Variants in ADAMTS2 observed in about 807,000 individuals in gnomAD.
ADAMTS2 encodes the protein A disintegrin and metalloproteinase with thrombospondin motifs 2.
In ADAMTS2, 50 loss-of-function variants were observed where a neutral mutation model predicts 123.0. The ratio of observed to expected loss-of-function variants is 0.41; its 90% CI spans 0.32 to 0.51. ADAMTS2 has a LOEUF of 0.51. Ranked by LOEUF, ADAMTS2 falls within the 20% of genes least tolerant of loss-of-function variation. The pLI is 0.35. For missense variants in ADAMTS2, 1,494 were observed against 1,705.2 expected, an observed-to-expected ratio of 0.88 and a Z score of 2.18; for synonymous variants, 678 against 695.4, an observed-to-expected ratio of 0.98 and a Z score of 0.39.
At chr5:179,298,645 C>T (rs149614590) in intron 2 of ADAMTS2, among the ~76,000 whole-genome samples, 12 of 152,182 alleles carry the variant, frequency 7.9e-5, no homozygotes, top group East Asian at 3.9e-4. Flanking sequence ...GGGGTGTGGA[C>T]GGGCTCTACG....
intron 4 of ADAMTS2, among the ~76,000 whole-genome samples, chr5:179,191,245 G>A (rs1385830608): frequency 2.6e-5 from 4 of 152,212 alleles, no homozygotes; most frequent in Admixed American, 1.3e-4. Flanking sequence ...GCTGCAGGAC[G>A]GCCCTGCCTC....
rs1018279056 is a variant in ADAMTS2 at position 179,197,297 on chromosome 5, T to C, written c.891+10216A>G. 6.6e-6 allele frequency among the ~76,000 whole-genome samples: 1 copy of C among 152,188 alleles called. No homozygotes were observed. The highest frequency in any genetic ancestry group is 1.9e-4 in the East Asian group (1 of 5,188). ...TAGATCCTGATATTTAAGCAACACA[T>C]TGAGGCCTTAGGCTTCTCGGGAAGA... On this transcript the variant is annotated intron_variant, in intron 4 of 21. Coordinates refer to ENST00000251582, the MANE Select transcript of ADAMTS2 (RefSeq NM_014244.5). The surrounding 1 kb of genome is among the most constrained non-coding windows in gnomAD (Gnocchi z 4.2).
At chr5:179,247,327 A>G (rs973143170) in intron 3 of ADAMTS2, among the ~76,000 whole-genome samples, 17 of 152,202 alleles carry the variant, frequency 1.1e-4, no homozygotes, top group Non-Finnish European at 1.9e-4. Flanking sequence ...ATTATCAGCA[A>G]TCATCCAATC....
In ADAMTS2 at chr5:179,260,597, T is replaced by C. The variant is rs1330913608; in HGVS notation, c.688+12314A>G. 6.6e-6 allele frequency among the ~76,000 whole-genome samples: 1 copy of C among 152,006 alleles called. No homozygotes were observed. The highest frequency in any genetic ancestry group is 1.9e-4 in the East Asian group (1 of 5,174). The stretch of plus-strand genomic sequence containing the variant: ...TGCACTGGGTGTCAGCAGCCCTGGG[T>C]TCTAAGCCTGCTCCTCCCTCCTGAT... On this transcript the variant is annotated intron_variant, in intron 3 of 21. Transcript: ENST00000251582. The surrounding 1 kb of genome is among the most constrained non-coding windows in gnomAD (Gnocchi z 4.2).
At chr5:179,206,163 G>A (rs565368726) in intron 4 of ADAMTS2, among the ~76,000 whole-genome samples, 4 of 152,336 alleles carry the variant, frequency 2.6e-5, no homozygotes, top group African/African-American at 7.2e-5. Context: ...AGCGGACTTC[G>A]GCCCCCTGTA....
intron 5 of ADAMTS2, among the ~76,000 whole-genome samples, chr5:179,171,975 CG>C (rs755775969): frequency 2.0e-4 from 30 of 152,134 alleles, no homozygotes; most frequent in Non-Finnish European, 4.3e-4. Context: ...TCCTCAGCTG[CG>C]GGTCCACTGA....
At chr5:179,231,010 C>CAA (rs1293077149) in intron 3 of ADAMTS2, among the ~76,000 whole-genome samples, 1 of 136,602 alleles carries the variant, frequency 7.3e-6, no homozygotes, top group Non-Finnish European at 1.6e-5. Context: ...AACTCAGTCT[C>CAA]AAAAAAAAAA....
At chr5:179,221,958 T>A (rs1262617355) in intron 3 of ADAMTS2, among the ~76,000 whole-genome samples, 1 of 152,102 alleles carries the variant, frequency 6.6e-6, no homozygotes, top group Admixed American at 6.5e-5. Flanking sequence ...GGCTGTGGGA[T>A]CTTCTCTCAG....
At chr5:179,334,232 C>A (rs1456117302) in intron 2 of ADAMTS2, among the ~76,000 whole-genome samples, 1 of 152,176 alleles carries the variant, frequency 6.6e-6, no homozygotes. Flanking sequence ...CTGGCTCCCC[C>A]ACCTTCTGCA....
intron 10 of ADAMTS2, among the ~76,000 whole-genome samples, chr5:179,146,985 C>T (rs945925682): frequency 6.6e-5 from 10 of 152,324 alleles, no homozygotes; most frequent in East Asian, 1.9e-4. Context: ...TTCTGCATCT[C>T]GCTTTCATTG....
chr5:179,134,942 GACTCC>G, intron 13 of ADAMTS2, among the ~76,000 whole-genome samples: 1 of 111,320 alleles, frequency 9.0e-6, no homozygotes, highest in Non-Finnish European at 1.9e-5. Context: ...CCCAGCTCCC[GACTCC>G]AGCTCCAGCT....
rs1258583316 is a variant in ADAMTS2, at chr5:179,313,277, C to A, written c.534+30490G>T. ...GGGGTGTCAGCAGAGGGGACGCACA[C>A]GCATTCACACTCATGCACACACTCA... On this transcript the variant is annotated intron_variant, in intron 2 of 21. Coordinates refer to ENST00000251582, the MANE Select transcript of ADAMTS2 (RefSeq NM_014244.5). Among the ~76,000 whole-genome samples the A allele has an allele frequency of 5.4e-3, 235 of 43,286 alleles. 1 individual carries two copies. The highest frequency in any genetic ancestry group is 0.02 in the African/African-American group (202 of 10,248). The allele number at this position is 43,286 out of a possible 152,430, so 28.4% of individuals were successfully genotyped here.
chr5:179,238,760 C>T (rs1318435092), intron 3 of ADAMTS2, among the ~76,000 whole-genome samples: 2 of 151,960 alleles, frequency 1.3e-5, no homozygotes, highest in Non-Finnish European at 2.9e-5. Flanking sequence ...GTAGGTGGCC[C>T]GGGTGCTGGG....
At chr5:179,309,362 G>C (rs1335518439) in intron 2 of ADAMTS2, among the ~76,000 whole-genome samples, 1 of 152,184 alleles carries the variant, frequency 6.6e-6, no homozygotes, top group African/African-American at 2.4e-5. Context: ...ATCCCAGTCA[G>C]ATGTCTGCAG....
intron 2 of ADAMTS2, among the ~76,000 whole-genome samples, chr5:179,290,608 T>C (rs969145317): frequency 6.6e-6 from 1 of 152,224 alleles, no homozygotes; most frequent in African/African-American, 2.4e-5. Flanking sequence ...TTTTTGCAAC[T>C]TTTCTTGCAA....
rs1446182404 is a variant in ADAMTS2 at position 179,326,097 on chromosome 5, C to T, written c.534+17670G>A. On this transcript the variant is annotated intron_variant, in intron 2 of 21. Coordinates refer to ENST00000251582, the MANE Select transcript of ADAMTS2 (RefSeq NM_014244.5). ...TCCATTTCCCTTCTTGGGGCCTGCCCGCCACGAGACTCTTCTCCCATTCCA... is the reference window on the plus strand; with the variant it reads ...TCCATTTCCCTTCTTGGGGCCTGCCTGCCACGAGACTCTTCTCCCATTCCA... Among the ~76,000 whole-genome samples, 8 of 152,226 alleles carry T rather than the reference C, an allele frequency of 5.3e-5. No individual in the cohort carries two copies. The East Asian group carries it at 1.2e-3, about 22-fold the overall frequency.
At chr5:179,121,194 G>A (rs183270135) in intron 21 of ADAMTS2, 8,323 of 152,766 alleles carry the variant, frequency 0.054, 287 homozygotes, top group Non-Finnish European at 0.078. Context: ...AGGCCGGGCG[G>A]AAGCGGGCCA....
chr5:179,300,208 C>T (rs1485834105), intron 2 of ADAMTS2, among the ~76,000 whole-genome samples: 1 of 151,998 alleles, frequency 6.6e-6, no homozygotes, highest in Non-Finnish European at 1.5e-5. Flanking sequence ...GTAACCTTCA[C>T]TGCCCCTGCT....
At chr5:179,300,613 C>A (rs1451345120) in intron 2 of ADAMTS2, among the ~76,000 whole-genome samples, 1 of 152,184 alleles carries the variant, frequency 6.6e-6, no homozygotes. Flanking sequence ...CCCCCCTTCA[C>A]TTCTGTGGCT....
Sources: gnomAD v4.1 joint callset for allele counts (sites outside exome capture counted in the v4.1 genomes callset) on GRCh38, gnomAD v4.1.1 for gene constraint, Gnocchi (gnomAD v3.1) non-coding constraint, MANE v1.5 for transcripts, NCBI Gene and HGNC (gene_info 2026-07-23, HGNC 2026-07-21) for gene names.